SLC16A7: variants seen among roughly 807,000 people sequenced by gnomAD.
The protein encoded by SLC16A7 is monocarboxylate transporter 2.
Under a neutral mutation model 34.9 loss-of-function variants are expected in SLC16A7, and 33 were observed. The observed-to-expected ratio is 0.94, with a 90% CI of 0.72 to 1.26. SLC16A7 has a LOEUF of 1.26. SLC16A7 is among the 50% of genes most tolerant of loss of function. The pLI, the probability that SLC16A7 is intolerant of heterozygous loss-of-function variation, is 0.00. For synonymous variants in SLC16A7, 201 were observed against 206.6 expected (o/e 0.97, Z 0.23); for missense variants, 573 against 578.1 (o/e 0.99, Z 0.09).
chr12:59,774,679 G>C lies in SLC16A7; in HGVS notation c.384G>C (p.Leu128=). ...TAGGTTTAGGTTTAGCCTTCAACCT[G>C]CAACCCGCCTTAACCATAATTGGCA... ...FITGLGLAFN[L]QPALTIIGKY... The change falls in exon 5 of 6, where the codon CTG becomes CTC. Residue 128 remains leucine (L), a synonymous_variant. Coordinates refer to ENST00000547379, the MANE Select transcript of SLC16A7 (RefSeq NM_001270623.2). 6 of 1,592,514 alleles carry C rather than the reference G, an allele frequency of 3.8e-6. No homozygotes were observed. Among genetic ancestry groups the C allele is most frequent in the Non-Finnish European group, 5.1e-6 (6 of 1,171,326 alleles).
chr12:59,762,091 A>C (rs1463348010), intron 3 of SLC16A7, among the ~76,000 whole-genome samples: 1 of 152,098 alleles, frequency 6.6e-6, no homozygotes, highest in Non-Finnish European at 1.5e-5. Context: ...CTGTAATGTA[A>C]TCTGACTCAA....
chr12:59,665,120 G>A (rs367632500), intron 2 of SLC16A7, among the ~76,000 whole-genome samples: 1 of 151,998 alleles, frequency 6.6e-6, no homozygotes, highest in East Asian at 1.9e-4. Context: ...AGTACACCAA[G>A]TTAAGGCTAA....
chr12:59,764,420 G>A (rs1881350383), intron 3 of SLC16A7, among the ~76,000 whole-genome samples: 2 of 152,024 alleles, frequency 1.3e-5, no homozygotes, highest in Non-Finnish European at 2.9e-5. Flanking sequence ...CCATGTTGGT[G>A]TGCTGCGCCC....
chr12:59,724,089 A>G (rs1875951033), intron 3 of SLC16A7, among the ~76,000 whole-genome samples: 1 of 152,100 alleles, frequency 6.6e-6, no homozygotes. Flanking sequence ...CACCAGCTCC[A>G]TAATCAGTCA....
intron 3 of SLC16A7, among the ~76,000 whole-genome samples, chr12:59,714,473 G>T (rs564268040): frequency 6.6e-6 from 1 of 151,924 alleles, no homozygotes; most frequent in Non-Finnish European, 1.5e-5. Context: ...CTCTCTCTTC[G>T]GCTTGTTAGA....
chr12:59,779,658 A>C lies in SLC16A7; in HGVS notation c.1416A>C (p.Ser472=), dbSNP rs1277856418. The change falls in exon 6 of 6, where the codon TCA becomes TCC. Residue 472 remains serine, a synonymous_variant. Transcript: ENST00000547379. Reference sequence around the variant, plus strand: ...TTTCAAATGCACAGAGTGTAACCTCAGAAAGAGAAACTAACATTTAACAAG... The same window carrying C: ...TTTCAAATGCACAGAGTGTAACCTCCGAAAGAGAAACTAACATTTAACAAG... The part of the protein sequence containing the change: ...VKVSNAQSVT[S]ERETNI 4 of 1,609,126 alleles carry C rather than the reference A, an allele frequency of 2.5e-6. No homozygotes were observed. The highest frequency in any genetic ancestry group is 2.2e-5 in the East Asian group (1 of 44,806).
At chr12:59,647,803 G>A (rs1868272966) in intron 1 of SLC16A7, among the ~76,000 whole-genome samples, 1 of 152,110 alleles carries the variant, frequency 6.6e-6, no homozygotes, top group Admixed American at 6.5e-5. Context: ...AGCACTTTGG[G>A]AGGTCTAGTT....
At chr12:59,607,921 A>C (rs1317309096) in intron 1 of SLC16A7, among the ~76,000 whole-genome samples, 3 of 152,234 alleles carry the variant, frequency 2.0e-5, no homozygotes, top group Admixed American at 2.0e-4. Flanking sequence ...TGGACTCTTA[A>C]AATGAAAAAC....
intron 3 of SLC16A7, among the ~76,000 whole-genome samples, chr12:59,755,308 T>A (rs1880171399): frequency 6.6e-6 from 1 of 152,146 alleles, no homozygotes; most frequent in African/African-American, 2.4e-5. Context: ...AAAGAGGAAG[T>A]TAAATTGTCC....
intron 3 of SLC16A7, among the ~76,000 whole-genome samples, chr12:59,717,286 G>A (rs569156974): frequency 2.0e-3 from 312 of 152,254 alleles, no homozygotes; most frequent in Non-Finnish European, 3.7e-3. Context: ...AATAACCTTA[G>A]TTACAGTGTT....
chr12:59,596,492 G>A lies in SLC16A7; in HGVS notation c.-130+256G>A, dbSNP rs1565611632. Among the ~76,000 whole-genome samples, 2 of 19,502 alleles carry A rather than the reference G, an allele frequency of 1.0e-4. No individual in the cohort carries two copies. Among genetic ancestry groups the A allele is most frequent in the Non-Finnish European group, 2.1e-4 (2 of 9,628 alleles). The allele number at this position is 19,502 out of a possible 152,430, so 12.8% of individuals were successfully genotyped here. A position where few individuals can be genotyped will look rare whatever the true frequency, so the allele number is the denominator to read the frequency against. On this transcript the variant is annotated intron_variant, in intron 1 of 5. Coordinates refer to ENST00000547379, the MANE Select transcript of SLC16A7 (RefSeq NM_001270623.2). The surrounding 1 kb of genome is among the most constrained non-coding windows in gnomAD (Gnocchi z 5.0). ...GCGCCGACAGCTGCCCGGGAACTGA[G>A]GGGGCGCGCGGGGTCCTGGGCAAGG...
At chr12:59,616,240 G>A (rs1879443167) in intron 1 of SLC16A7, among the ~76,000 whole-genome samples, 1 of 152,020 alleles carries the variant, frequency 6.6e-6, no homozygotes, top group Non-Finnish European at 1.5e-5. Flanking sequence ...TACTGAAGGT[G>A]GGAAGCACCC....
chr12:59,740,162 C>G (rs372519973), intron 3 of SLC16A7, among the ~76,000 whole-genome samples: 17,022 of 149,208 alleles, frequency 0.11, 1,229 homozygotes, highest in African/African-American at 0.2. Context: ...TTCTTCTAGG[C>G]TTTTTATGGT....
At chr12:59,656,827 CT>C (rs1868560918) in intron 2 of SLC16A7, among the ~76,000 whole-genome samples, 1 of 151,874 alleles carries the variant, frequency 6.6e-6, no homozygotes, top group Non-Finnish European at 1.5e-5. Context: ...CATATGGTTC[CT>C]TTTAGATACA....
intron 1 of SLC16A7, among the ~76,000 whole-genome samples, chr12:59,618,244 C>T (rs533737915): frequency 2.8e-4 from 43 of 152,004 alleles, no homozygotes; most frequent in African/African-American, 1.0e-3. Context: ...TCATTTTTCT[C>T]ACCTTGTTCT....
intron 3 of SLC16A7, among the ~76,000 whole-genome samples, chr12:59,745,149 T>G (rs1235998332): frequency 6.6e-6 from 1 of 152,190 alleles, no homozygotes. Context: ...TCTTTATGAT[T>G]ATAAAATGGG....
chr12:59,759,726 G>T (rs1279841219), intron 3 of SLC16A7, among the ~76,000 whole-genome samples: 2 of 151,940 alleles, frequency 1.3e-5, no homozygotes, highest in Non-Finnish European at 2.9e-5. Flanking sequence ...ATTTCAGAAT[G>T]CTCTGATGCT....
chr12:59,704,071 G>A (rs1251152676), intron 2 of SLC16A7, among the ~76,000 whole-genome samples: 2 of 150,498 alleles, frequency 1.3e-5, no homozygotes, highest in African/African-American at 2.4e-5. Context: ...GCATGGTGGC[G>A]CCTGCCTGTA....
intron 1 of SLC16A7, among the ~76,000 whole-genome samples, chr12:59,630,016 A>G (rs2136992455): frequency 1.3e-5 from 2 of 152,074 alleles, no homozygotes; most frequent in South Asian, 4.1e-4. Context: ...AAATTGTCTT[A>G]TACATAGTAG....
Sources: allele counts gnomAD v4.1 joint callset (sites outside exome capture counted in the v4.1 genomes callset), GRCh38; gene constraint gnomAD v4.1.1; non-coding constraint Gnocchi (gnomAD v3.1); transcripts MANE v1.5; gene names NCBI Gene and HGNC (gene_info 2026-07-23, HGNC 2026-07-21).